Variants in CNPY3 observed in about 807,000 individuals in gnomAD.
CNPY3 encodes the protein protein canopy homolog 3.
A neutral mutation model predicts 32.0 loss-of-function variants in CNPY3; 20 were observed. That is an observed-to-expected ratio of 0.63 (90% CI 0.44 to 0.91). The LOEUF (loss-of-function observed/expected upper bound fraction) is 0.91, where lower values mean the gene tolerates loss of function less well. Ranked by LOEUF, CNPY3 falls within the 40% of genes least tolerant of loss-of-function variation. The probability of loss-of-function intolerance (pLI) is 0.00; values close to 1 mark genes in which losing one functional copy is unlikely to be tolerated. For missense variants in CNPY3, 299 were observed against 340.8 expected, an observed-to-expected ratio of 0.88 and a Z score of 0.97; for synonymous variants, 138 against 142.9, an observed-to-expected ratio of 0.97 and a Z score of 0.24.
At chr6:42,931,650 T>A (rs562134325) in intron 1 of CNPY3, among the ~76,000 whole-genome samples, 1 of 150,472 alleles carries the variant, frequency 6.6e-6, no homozygotes, top group East Asian at 2.0e-4. Context: ...CGTGAGCCAC[T>A]GCACCCAGCC....
chr6:42,931,189 C>T (rs548630354), intron 1 of CNPY3, among the ~76,000 whole-genome samples: 6 of 150,930 alleles, frequency 4.0e-5, no homozygotes, highest in East Asian at 2.0e-4. Flanking sequence ...TGCTCCTGGC[C>T]GCCCTTTCAC....
intron 2 of CNPY3, among the ~76,000 whole-genome samples, chr6:42,934,887 G>A (rs775229776): frequency 1.3e-5 from 2 of 151,806 alleles, no homozygotes; most frequent in African/African-American, 4.8e-5. Context: ...TTTTTGCGAC[G>A]GAGTTTCACT....
intron 5 of CNPY3, among the ~76,000 whole-genome samples, 174 bp from the exon 6 acceptor site, chr6:42,938,394 C>T (rs553594072): frequency 2.0e-5 from 3 of 152,272 alleles, no homozygotes; most frequent in Non-Finnish European, 4.4e-5. Context: ...GATGGGCAGA[C>T]AAGTCAGATG....
chr6:42,936,425 T>C (rs532667281), intron 3 of CNPY3, among the ~76,000 whole-genome samples: 53 of 152,284 alleles, frequency 3.5e-4, no homozygotes, highest in South Asian at 2.1e-3. Flanking sequence ...ACTCTACCAA[T>C]AGGGGATTAA....
chr6:42,933,950 C>T (rs1311904557), intron 1 of CNPY3, among the ~76,000 whole-genome samples: 1 of 152,110 alleles, frequency 6.6e-6, no homozygotes, highest in African/African-American at 2.4e-5. Flanking sequence ...GTGGGCGGAT[C>T]GCTTGAGGTC....
chr6:42,929,526 G>A lies in CNPY3; in HGVS notation c.-45G>A, dbSNP rs776701447. ...GGAAACTGCTCCGCGCGCGCCGCGG[G>A]AGGAGGAACCGCCCGGTCCTTTAGG... On this transcript the variant is annotated 5_prime_UTR_variant, in exon 1 of 6. Coordinates refer to ENST00000372836, the MANE Select transcript of CNPY3 (RefSeq NM_006586.5). 10 of 1,513,236 alleles carry A rather than the reference G, an allele frequency of 6.6e-6. No homozygotes were observed. In the Admixed American group the frequency reaches 1.3e-4, roughly 20 times the overall value. The allele number at this position is 1,513,236 out of a possible 1,614,324, so 93.7% of individuals were successfully genotyped here.
chr6:42,938,303 G>GCCCTCTGGT, intron 5 of CNPY3, 96 bp downstream of exon 5: 2 of 959,978 alleles, frequency 2.1e-6, no homozygotes, highest in South Asian at 1.3e-5. Context: ...GGCACCAGAG[G>GCCCTCTGGT]GCATTGTAGG....
intron 1 of CNPY3, among the ~76,000 whole-genome samples, chr6:42,933,632 T>C (rs1351695774): frequency 6.6e-6 from 1 of 152,192 alleles, no homozygotes; most frequent in Non-Finnish European, 1.5e-5. Context: ...AGTATCATAA[T>C]TGTTCTATGG....
In CNPY3 at chr6:42,929,788, A is replaced by C. The variant is rs1436798857; in HGVS notation, c.151+67A>C. 2.0e-6 allele frequency: 3 copies of C among 1,486,712 alleles called. No homozygotes were observed. The East Asian group carries it at 7.5e-5, about 37-fold the overall frequency. 92.1% of individuals were successfully genotyped at this position (1,486,712 alleles called of 1,614,324 possible). A position where few individuals can be genotyped will look rare whatever the true frequency, so the allele number is the denominator to read the frequency against. Reference sequence around the variant, plus strand: ...CTGGCTCCAGCGGTGGTGCTTGCGGAGCAGCGTCGGGGGTTGCAAGGTTCC... The same window carrying C: ...CTGGCTCCAGCGGTGGTGCTTGCGGCGCAGCGTCGGGGGTTGCAAGGTTCC... On this transcript the variant is annotated intron_variant, in intron 1 of 5. Coordinates refer to ENST00000372836, the MANE Select transcript of CNPY3 (RefSeq NM_006586.5).
In CNPY3 at chr6:42,938,928, GAC is replaced by G. The variant is rs1245721076; in HGVS notation, c.*141_*142del. ...GCTGTGCCCTCTTCTGCCAAGGAAAGACACAAGCCCCAGGAAGAACTCAGAGC... is the reference window on the plus strand; with the variant it reads ...GCTGTGCCCTCTTCTGCCAAGGAAAGACAAGCCCCAGGAAGAACTCAGAGC... On this transcript the variant is annotated 3_prime_UTR_variant, in exon 6 of 6. Transcript: ENST00000372836. 2.8e-6 allele frequency: 4 copies of G among 1,428,822 alleles called. No individual in the cohort carries two copies. Among genetic ancestry groups the G allele is most frequent in the African/African-American group, 1.4e-5 (1 of 69,208 alleles). 88.5% of individuals were successfully genotyped at this position (1,428,822 alleles called of 1,614,324 possible).
Position 42,938,088 on chromosome 6 carries a change from A to C in CNPY3, c.496-2A>C. ...GCCAATATGAGGTATTATGATTAAC[A>C]GTGTGATGTGCTGGTGGAAGAGTTT... is the stretch of plus-strand genomic sequence containing the variant. On this transcript the variant is annotated splice_acceptor_variant, in intron 4 of 5. Coordinates refer to ENST00000372836, the MANE Select transcript of CNPY3 (RefSeq NM_006586.5). LOFTEE classifies it high-confidence loss of function. 1 of 1,611,780 alleles carries C rather than the reference A, an allele frequency of 6.2e-7. No homozygotes were observed. The highest frequency in any genetic ancestry group is 8.5e-7 in the Non-Finnish European group (1 of 1,177,838).
rs984541975 is a variant in CNPY3, at chr6:42,938,205, C to G, written c.611C>G (p.Thr204Ser). 2.5e-6 allele frequency: 4 copies of G among 1,611,304 alleles called. No individual in the cohort carries two copies. The highest frequency in any genetic ancestry group is 2.5e-6 in the Non-Finnish European group (3 of 1,177,612). Residue 204 changes from threonine to serine, a missense_variant and splice_region_variant, in exon 5 of 6, where the codon ACC (threonine) becomes AGC (serine). Transcript: ENST00000372836. Reference sequence around the variant, plus strand: ...AACCACGTGCTGAAGGGAAAAGACACCAGTGAGTTTGGGGAAGCAAGGGCA... The same window carrying G: ...AACCACGTGCTGAAGGGAAAAGACAGCAGTGAGTTTGGGGAAGCAAGGGCA... ...CANHVLKGKD[T>S]SCLAEQWSGK...
upstream of CNPY3, chr6:42,929,336 T>C (rs2234185): frequency 0.52 from 284,081 of 544,490 alleles, 79,303 homozygotes; most frequent in African/African-American, 0.89. Flanking sequence ...AAAGATAGTC[T>C]TCCCATTAGC....
At chr6:42,932,680 G>T (rs182826102) in intron 1 of CNPY3, among the ~76,000 whole-genome samples, 98 of 152,224 alleles carry the variant, frequency 6.4e-4, no homozygotes, top group African/African-American at 2.3e-3. Flanking sequence ...AAGAGGGGAG[G>T]GAGCCCAGAT....
chr6:42,938,820 C>G lies in CNPY3; in HGVS notation c.*29C>G. The G allele has an allele frequency of 2.6e-6, 4 of 1,539,248 alleles. No individual in the cohort carries two copies. The highest frequency in any genetic ancestry group is 3.5e-6 in the Non-Finnish European group (4 of 1,139,470). ...CACCCAGCATCCTCTGTCCTGAGAC[C>G]CCTGATTTTGAAGCTGAGGAGTCAG... On this transcript the variant is annotated 3_prime_UTR_variant, in exon 6 of 6. Transcript: ENST00000372836.
At chr6:42,938,504 C>A in intron 5 of CNPY3, 64 bp from the exon 6 acceptor site, 1 of 1,450,888 alleles carries the variant, frequency 6.9e-7, no homozygotes, top group Non-Finnish European at 9.4e-7. Flanking sequence ...CTGCTCAGTG[C>A]TCCTTGCCCA....
chr6:42,936,256 A>G (rs1768226814), intron 3 of CNPY3, among the ~76,000 whole-genome samples: 1 of 141,220 alleles, frequency 7.1e-6, no homozygotes, highest in African/African-American at 2.9e-5. Context: ...TCCTTCTAGC[A>G]AAGGATACCA....
upstream of CNPY3, chr6:42,929,478 G>A: frequency 1.5e-6 from 2 of 1,332,294 alleles, no homozygotes. Flanking sequence ...GGAGGCACGT[G>A]TGCAGTCCCG....
chr6:42,938,852 G>A lies in CNPY3; in HGVS notation c.*61G>A, dbSNP rs1208694870. 3.4e-6 allele frequency: 5 copies of A among 1,487,314 alleles called. No homozygotes were observed. Among genetic ancestry groups the A allele is most frequent in the Non-Finnish European group, 4.5e-6 (5 of 1,113,288 alleles). The allele number at this position is 1,487,314 out of a possible 1,614,324, so 92.1% of individuals were successfully genotyped here. ...TTTGAAGCTGAGGAGTCAGGGGCAT[G>A]GCTCTGGCAGGCCGGGATGGCCCCG... On this transcript the variant is annotated 3_prime_UTR_variant, in exon 6 of 6. Transcript: ENST00000372836.
Sources: gnomAD v4.1 joint callset for allele counts (sites outside exome capture counted in the v4.1 genomes callset) on GRCh38, gnomAD v4.1.1 for gene constraint, MANE v1.5 for transcripts, NCBI Gene and HGNC (gene_info 2026-07-23, HGNC 2026-07-21) for gene names.